CDH12: variants seen among roughly 807,000 people sequenced by gnomAD.
CDH12 encodes the protein cadherin-12.
CDH12 carries 41 observed loss-of-function variants against 74.1 expected under a neutral mutation model. The ratio of observed to expected loss-of-function variants is 0.55; its 90% confidence interval spans 0.43 to 0.72. The LOEUF is 0.72. Ranked by LOEUF, CDH12 falls within the 30% of genes least tolerant of loss-of-function variation. CDH12 has a pLI of 0.00. For synonymous variants in CDH12, 399 were observed against 355.0 expected (o/e 1.12, Z -1.39); for missense variants, 945 against 977.2 (o/e 0.97, Z 0.44).
At chr5:22,175,820 A>G (rs1448239464) in intron 4 of CDH12, among the ~76,000 whole-genome samples, 2 of 152,098 alleles carry the variant, frequency 1.3e-5, no homozygotes, top group African/African-American at 2.4e-5. Context: ...AAACTGGATC[A>G]GCTCACCTGA....
chr5:22,418,712 C>T (rs1254463645), intron 2 of CDH12, among the ~76,000 whole-genome samples: 13 of 151,910 alleles, frequency 8.6e-5, no homozygotes, highest in African/African-American at 2.9e-4. Context: ...GGTGAAAACT[C>T]GTCTCTATTG....
chr5:22,486,397 A>G (rs2126632809), intron 2 of CDH12, among the ~76,000 whole-genome samples: 1 of 152,120 alleles, frequency 6.6e-6, no homozygotes, highest in East Asian at 1.9e-4. Flanking sequence ...AAGTAGAAAT[A>G]GGCTTTGAAT....
At chr5:22,565,419 C>T (rs918833) in intron 1 of CDH12, among the ~76,000 whole-genome samples, 24,616 of 151,952 alleles carry the variant, frequency 0.16, 2,552 homozygotes, top group East Asian at 0.36. Context: ...AAGGTGTGTT[C>T]AAAATATCTT....
At chr5:22,464,871 G>T (rs1745661246) in intron 2 of CDH12, among the ~76,000 whole-genome samples, 1 of 151,922 alleles carries the variant, frequency 6.6e-6, no homozygotes, top group Admixed American at 6.6e-5. Flanking sequence ...GAGTGGTGAT[G>T]GGAGCCTGTA....
chr5:22,278,000 G>T (rs1171121367), intron 3 of CDH12: 2 of 152,282 alleles, frequency 1.3e-5, no homozygotes, highest in Admixed American at 1.3e-4. Flanking sequence ...GATCTTTCTT[G>T]TAAGGGTTGG....
At chr5:22,707,712 G>A (rs1248702586) in intron 1 of CDH12, among the ~76,000 whole-genome samples, 1 of 152,110 alleles carries the variant, frequency 6.6e-6, no homozygotes, top group Admixed American at 6.6e-5. Flanking sequence ...GCTCAAATCT[G>A]AAATCAAATA....
intron 5 of CDH12, among the ~76,000 whole-genome samples, chr5:22,009,838 C>T (rs1330562050): frequency 2.1e-5 from 3 of 143,320 alleles, no homozygotes; most frequent in South Asian, 2.2e-4. Flanking sequence ...ATTAGCTGAG[C>T]GTGGTGGCGG....
At chr5:22,534,101 G>C (rs557900087) in intron 1 of CDH12, among the ~76,000 whole-genome samples, 1 of 152,206 alleles carries the variant, frequency 6.6e-6, no homozygotes, top group East Asian at 1.9e-4. Flanking sequence ...CTTATGTTAA[G>C]AAAAATATTC....
chr5:22,177,461 T>C (rs569413139), intron 4 of CDH12, among the ~76,000 whole-genome samples: 13 of 152,156 alleles, frequency 8.5e-5, no homozygotes, highest in Non-Finnish European at 1.8e-4. Context: ...GTAGCACAAG[T>C]AGATATAGTA....
At chr5:21,967,845 G>A (rs1041842777) in intron 6 of CDH12, among the ~76,000 whole-genome samples, 1 of 152,116 alleles carries the variant, frequency 6.6e-6, no homozygotes, top group Non-Finnish European at 1.5e-5. Context: ...GCGTGCAGTG[G>A]ACACTTCACG....
intron 5 of CDH12, among the ~76,000 whole-genome samples, chr5:22,021,820 A>G (rs1478130376): frequency 3.3e-5 from 5 of 152,132 alleles, no homozygotes; most frequent in Non-Finnish European, 7.3e-5. Flanking sequence ...GTTAGAATGG[A>G]CATGTGGCTG....
At chr5:21,946,385 C>T (rs952019364) in intron 6 of CDH12, among the ~76,000 whole-genome samples, 3 of 152,082 alleles carry the variant, frequency 2.0e-5, no homozygotes, top group Non-Finnish European at 4.4e-5. Context: ...AGTTTTTAAG[C>T]CATTTCTAAT....
intron 1 of CDH12, among the ~76,000 whole-genome samples, chr5:22,648,233 T>G (rs1457082714): frequency 6.6e-6 from 1 of 151,890 alleles, no homozygotes; most frequent in Non-Finnish European, 1.5e-5. Context: ...TCTATGCAAG[T>G]CTTCATACAG....
intron 1 of CDH12, among the ~76,000 whole-genome samples, chr5:22,643,131 T>C (rs1317756636): frequency 2.0e-5 from 3 of 152,188 alleles, no homozygotes; most frequent in African/African-American, 7.2e-5. Context: ...GCAAGCTATA[T>C]TGAAAGAGAC....
chr5:22,219,101 A>G (rs1380952519), intron 3 of CDH12, among the ~76,000 whole-genome samples: 1 of 151,700 alleles, frequency 6.6e-6, no homozygotes, highest in Non-Finnish European at 1.5e-5. Flanking sequence ...ACATACATAT[A>G]TCATTGTCCA....
chr5:21,966,188 G>A (rs1353409224), intron 6 of CDH12, among the ~76,000 whole-genome samples: 1 of 146,854 alleles, frequency 6.8e-6, no homozygotes, highest in Non-Finnish European at 1.5e-5. Flanking sequence ...TTTGGAAGAG[G>A]TAATTTTTAG....
intron 4 of CDH12, among the ~76,000 whole-genome samples, chr5:22,176,806 A>C (rs368703042): frequency 6.6e-6 from 1 of 152,034 alleles, no homozygotes; most frequent in South Asian, 2.1e-4. Flanking sequence ...GCCCTCATAG[A>C]GTTGGGGCAC....
chr5:22,330,744 C>CAAAAAAA (rs1212274101), intron 3 of CDH12, among the ~76,000 whole-genome samples: 1 of 52,354 alleles, frequency 1.9e-5, no homozygotes, highest in Non-Finnish European at 4.6e-5. Flanking sequence ...AGCGAGACTC[C>CAAAAAAA]AAAAAAAAAA....
intron 2 of CDH12, among the ~76,000 whole-genome samples, chr5:22,492,175 T>A (rs958511187): frequency 6.6e-6 from 1 of 152,072 alleles, no homozygotes; most frequent in Non-Finnish European, 1.5e-5. Context: ...CCCTGGAGAA[T>A]ATTTCCTTCT....
Sources: gnomAD v4.1 joint callset for allele counts (sites outside exome capture counted in the v4.1 genomes callset) on GRCh38, gnomAD v4.1.1 for gene constraint, MANE v1.5 for transcripts, NCBI Gene and HGNC (gene_info 2026-07-23, HGNC 2026-07-21) for gene names.